Variants in TBC1D22A observed in about 807,000 individuals in gnomAD.
TBC1D22A encodes putative GTPase activator.
TBC1D22A carries 38 observed loss-of-function variants against 60.2 expected under a neutral mutation model. The ratio of observed to expected loss-of-function variants is 0.63; its 90% CI spans 0.49 to 0.83. TBC1D22A has a LOEUF of 0.83. Among genes scored for constraint, TBC1D22A ranks in the 40% least tolerant of loss-of-function variants. The pLI is 0.00. For missense variants in TBC1D22A, 628 were observed against 701.0 expected (o/e 0.90, Z 1.18); for synonymous variants, 302 against 281.7 (o/e 1.07, Z -0.72).
intron 8 of TBC1D22A, among the ~76,000 whole-genome samples, chr22:46,937,383 T>A (rs1436410360): frequency 6.6e-6 from 1 of 152,220 alleles, no homozygotes; most frequent in Non-Finnish European, 1.5e-5. Flanking sequence ...TCCTCTCACC[T>A]GGTGACATCA....
At chr22:47,052,037 T>A (rs1180098809) in intron 11 of TBC1D22A, among the ~76,000 whole-genome samples, 1 of 151,688 alleles carries the variant, frequency 6.6e-6, no homozygotes, top group African/African-American at 2.4e-5. Flanking sequence ...TGCCTCCTCT[T>A]CAGCGGTAAG....
At chr22:46,838,301 C>A (rs1481310514) in intron 4 of TBC1D22A, among the ~76,000 whole-genome samples, 2 of 152,092 alleles carry the variant, frequency 1.3e-5, no homozygotes, top group Non-Finnish European at 2.9e-5. Context: ...CAAATGCAAT[C>A]ATAAATGAGG....
chr22:47,068,036 A>ACCT (rs2086120013), intron 11 of TBC1D22A, among the ~76,000 whole-genome samples: 1 of 152,180 alleles, frequency 6.6e-6, no homozygotes, highest in African/African-American at 2.4e-5. Context: ...GAGTAGACAT[A>ACCT]CCTCCACCAG....
intron 10 of TBC1D22A, among the ~76,000 whole-genome samples, chr22:47,034,468 C>CGTG (rs1034233878): frequency 9.9e-5 from 2 of 20,124 alleles, no homozygotes; most frequent in Non-Finnish European, 1.5e-4. Context: ...CCTGTGCTCC[C>CGTG]GTGGTGATGA....
intron 12 of TBC1D22A, among the ~76,000 whole-genome samples, chr22:47,119,537 C>T (rs1569458015): frequency 6.6e-6 from 1 of 151,352 alleles, no homozygotes; most frequent in Non-Finnish European, 1.5e-5. Flanking sequence ...CACACTGTCA[C>T]CCGGGCTGGT....
chr22:46,968,801 A>G (rs2073933143), intron 8 of TBC1D22A, among the ~76,000 whole-genome samples: 1 of 152,206 alleles, frequency 6.6e-6, no homozygotes, highest in Admixed American at 6.5e-5. Context: ...TTTCCCTAAA[A>G]CAGCTTTTCG....
intron 8 of TBC1D22A, among the ~76,000 whole-genome samples, chr22:46,970,861 T>C (rs1159144797): frequency 6.6e-6 from 1 of 152,160 alleles, no homozygotes; most frequent in African/African-American, 2.4e-5. Flanking sequence ...ACAGGGCTCC[T>C]CTGGGTGGCC....
At chr22:47,092,120 T>G (rs572446352) in intron 11 of TBC1D22A, among the ~76,000 whole-genome samples, 1 of 152,258 alleles carries the variant, frequency 6.6e-6, no homozygotes, top group East Asian at 1.9e-4. Flanking sequence ...CCCTGCTCTT[T>G]CCACAAGAAC....
intron 4 of TBC1D22A, among the ~76,000 whole-genome samples, chr22:46,798,598 A>G (rs773368340): frequency 6.6e-6 from 1 of 151,826 alleles, no homozygotes; most frequent in Non-Finnish European, 1.5e-5. Context: ...TCCCTATCTC[A>G]TCTTTGTGGA....
chr22:46,863,751 C>A (rs554600680), intron 4 of TBC1D22A, among the ~76,000 whole-genome samples: 2 of 152,320 alleles, frequency 1.3e-5, no homozygotes, highest in African/African-American at 4.8e-5. Context: ...ATGTCTCTGT[C>A]GGCTTTTCCC....
At chr22:47,027,646 A>G (rs1268654995) in intron 10 of TBC1D22A, among the ~76,000 whole-genome samples, 1 of 152,236 alleles carries the variant, frequency 6.6e-6, no homozygotes, top group African/African-American at 2.4e-5. Context: ...GCAAGGAAAC[A>G]CAGAGCGTCT....
Position 47,120,770 on chromosome 22 carries a change from C to T in TBC1D22A, c.1425+9167C>T, listed in dbSNP as rs2066243801. ...GCAGGTCTCCTCTGAAAATTCCTGA[C>T]CCCAGCTCACCCTTTCACTCATTTA... On this transcript the variant is annotated intron_variant, in intron 12 of 12. Transcript: ENST00000337137. 1.3e-5 allele frequency among the ~76,000 whole-genome samples: 2 copies of T among 152,350 alleles called. 1 individual carries two copies. Among genetic ancestry groups the T allele is most frequent in the South Asian group, 4.1e-4 (2 of 4,826 alleles).
chr22:47,150,948 C>G (rs994281050), intron 12 of TBC1D22A, among the ~76,000 whole-genome samples: 1 of 152,180 alleles, frequency 6.6e-6, no homozygotes, highest in Non-Finnish European at 1.5e-5. Context: ...GTGTGGCCAG[C>G]ACAGAGGCCT....
chr22:46,993,605 T>C (rs981813750), intron 9 of TBC1D22A, among the ~76,000 whole-genome samples: 8 of 152,138 alleles, frequency 5.3e-5, no homozygotes, highest in African/African-American at 1.9e-4. Flanking sequence ...GGCTGGGGTG[T>C]CCCGAGGGCA....
chr22:47,105,617 C>A (rs1187628496), intron 11 of TBC1D22A, among the ~76,000 whole-genome samples: 1 of 152,226 alleles, frequency 6.6e-6, no homozygotes, highest in African/African-American at 2.4e-5. Context: ...CAACTACAAT[C>A]CTACATTCAC....
At chr22:46,775,044 A>G (rs1331806224) in intron 1 of TBC1D22A, among the ~76,000 whole-genome samples, 1 of 152,248 alleles carries the variant, frequency 6.6e-6, no homozygotes, top group Non-Finnish European at 1.5e-5. Flanking sequence ...TTTCACCTAG[A>G]TGAGGCGAGT....
At chr22:47,134,000 C>T (rs2066772294) in intron 12 of TBC1D22A, among the ~76,000 whole-genome samples, 1 of 152,158 alleles carries the variant, frequency 6.6e-6, no homozygotes, top group Admixed American at 6.5e-5. Context: ...GAGCAGGTCC[C>T]CTGTGTCCAC....
intron 8 of TBC1D22A, among the ~76,000 whole-genome samples, chr22:46,967,272 AG>A (rs1287443029): frequency 6.6e-6 from 1 of 152,178 alleles, no homozygotes; most frequent in African/African-American, 2.4e-5. Flanking sequence ...TATAGTCTTG[AG>A]TTGTTATGCC....
chr22:46,871,692 C>T (rs2067300145), intron 4 of TBC1D22A, among the ~76,000 whole-genome samples: 1 of 152,102 alleles, frequency 6.6e-6, no homozygotes, highest in Non-Finnish European at 1.5e-5. Flanking sequence ...TAAAACAGTG[C>T]CTGGAGGAAA....
Sources: gnomAD v4.1 joint callset for allele counts (sites outside exome capture counted in the v4.1 genomes callset) on GRCh38, gnomAD v4.1.1 for gene constraint, MANE v1.5 for transcripts, NCBI Gene and HGNC (gene_info 2026-07-23, HGNC 2026-07-21) for gene names.